ARPC1B: variants seen among roughly 807,000 people sequenced by gnomAD.
ARPC1B encodes the protein actin-related protein 2/3 complex subunit 1B.
ARPC1B carries 29 observed loss-of-function variants against 46.0 expected under a neutral mutation model. That is an observed-to-expected ratio of 0.63 (90% CI 0.47 to 0.86). The LOEUF (loss-of-function observed/expected upper bound fraction) is 0.86, where lower values mean the gene tolerates loss of function less well. Ranked by LOEUF, ARPC1B falls within the 40% of genes least tolerant of loss-of-function variation. The pLI, the probability that ARPC1B is intolerant of heterozygous loss-of-function variation, is 0.00. For synonymous variants in ARPC1B, 201 were observed against 213.9 expected (o/e 0.94, Z 0.53); for missense variants, 469 against 529.4 (o/e 0.89, Z 1.12).
intron 1 of ARPC1B, among the ~76,000 whole-genome samples, chr7:99,379,140 C>G (rs1794130076): frequency 6.6e-6 from 1 of 152,194 alleles, no homozygotes; most frequent in Non-Finnish European, 1.5e-5. Flanking sequence ...GTCCCACCCA[C>G]TTGTTGAATT....
chr7:99,375,902 AAAT>A (rs1376506478), intron 1 of ARPC1B, among the ~76,000 whole-genome samples: 3 of 152,050 alleles, frequency 2.0e-5, no homozygotes, highest in Non-Finnish European at 4.4e-5. Flanking sequence ...TCTCTACTAA[AAAT>A]ACAAAAATTA....
rs764453275 is a variant in ARPC1B, at chr7:99,386,821, A to T, written c.169+32A>T. 7 of 1,548,880 alleles carry T rather than the reference A, an allele frequency of 4.5e-6. No individual in the cohort carries two copies. In the South Asian group the frequency reaches 7.8e-5, roughly 17 times the overall value. On this transcript the variant is annotated intron_variant, in intron 3 of 9. Transcript: ENST00000646101. ...CAGGGTGGCTGGGACCACCGTCCTG[A>T]AAGGAGGTGGTGGGTTGGGGGGGTG...
intron 1 of ARPC1B, 120 bp from the exon 2 acceptor site, chr7:99,385,582 C>T (rs1207881091): frequency 1.2e-6 from 1 of 848,814 alleles, no homozygotes; most frequent in Non-Finnish European, 1.9e-6. Context: ...ACTGCTGCCC[C>T]TCTAAACTGA....
intron 1 of ARPC1B, among the ~76,000 whole-genome samples, chr7:99,378,999 G>A (rs1264053647): frequency 1.3e-5 from 2 of 151,798 alleles, no homozygotes; most frequent in African/African-American, 4.8e-5. Flanking sequence ...GGATGGTCTC[G>A]ATCTCCTGAC....
intron 5 of ARPC1B, 162 bp from the exon 6 acceptor site, chr7:99,390,731 T>C: frequency 1.7e-6 from 1 of 584,996 alleles, no homozygotes; most frequent in Non-Finnish European, 2.9e-6. Flanking sequence ...ACAGTCTCAC[T>C]CTGTTGCCCA....
At chr7:99,386,144 G>A (rs139541450) in intron 2 of ARPC1B, among the ~76,000 whole-genome samples, 13 of 151,540 alleles carry the variant, frequency 8.6e-5, no homozygotes, top group East Asian at 1.9e-4. Context: ...CCAGCTACTC[G>A]GGGGGCTGAG....
Position 99,394,812 on chromosome 7 carries a change from A to G in ARPC1B, c.*323A>G. The G allele has an allele frequency of 1.6e-6, 2 of 1,229,824 alleles. No individual in the cohort carries two copies. Among genetic ancestry groups the G allele is most frequent in the Non-Finnish European group, 2.0e-6 (2 of 988,604 alleles). 76.2% of individuals were successfully genotyped at this position (1,229,824 alleles called of 1,614,324 possible). A position where few individuals can be genotyped will look rare whatever the true frequency, so the allele number is the denominator to read the frequency against. On this transcript the variant is annotated 3_prime_UTR_variant, in exon 10 of 10. Coordinates refer to ENST00000646101, the MANE Select transcript of ARPC1B (RefSeq NM_005720.4). ...AAAAAAAAAAAAAAAGTAATTATGGACATGCTTGCCTATGTGGAAGGAGAG... is the reference window on the plus strand; with the variant it reads ...AAAAAAAAAAAAAAAGTAATTATGGGCATGCTTGCCTATGTGGAAGGAGAG...
Position 99,389,805 on chromosome 7 carries a change from G to T in ARPC1B, c.393-100G>T, listed in dbSNP as rs892958585. ...TCGCCTCTCTCCTGGGTCTTTGGTGGGCTGCAGGGAGCAGTGGGAGCCTGG... is the reference window on the plus strand; with the variant it reads ...TCGCCTCTCTCCTGGGTCTTTGGTGTGCTGCAGGGAGCAGTGGGAGCCTGG... On this transcript the variant is annotated intron_variant, in intron 4 of 9. Coordinates refer to ENST00000646101, the MANE Select transcript of ARPC1B (RefSeq NM_005720.4). 5.0e-5 allele frequency: 50 copies of T among 1,006,018 alleles called. No individual in the cohort carries two copies. The East Asian group carries it at 1.2e-3, about 24-fold the overall frequency. The allele number at this position is 1,006,018 out of a possible 1,614,324, so 62.3% of individuals were successfully genotyped here.
At chr7:99,390,294 C>T (rs1794529245) in intron 5 of ARPC1B, among the ~76,000 whole-genome samples, 1 of 152,172 alleles carries the variant, frequency 6.6e-6, no homozygotes, top group South Asian at 2.1e-4. Context: ...TCACTGCAGC[C>T]TCCAAATCCT....
chr7:99,394,048 G>T lies in ARPC1B; in HGVS notation c.1009G>T (p.Gly337Cys), dbSNP rs760115816. 1 of 1,613,282 alleles carries T rather than the reference G, an allele frequency of 6.2e-7. No individual in the cohort carries two copies. The highest frequency in any genetic ancestry group is 1.7e-5 in the Admixed American group (1 of 60,032). ...NSVSQISVLSGGKAKCSQFCT... is the reference protein window; with the variant it reads ...NSVSQISVLSCGKAKCSQFCT... ...TTGCAGCCAGATCTCGGTGCTCAGC[G>T]GCGGCAAGGCCAAGTGCTCGCAGTT... The change falls in exon 9 of 10, where the codon GGC (glycine) becomes TGC (cysteine). Residue 337 changes from glycine (G) to cysteine (C), a missense_variant. Transcript: ENST00000646101.
chr7:99,392,083 TGTTGTGAGGTGCTCTGATGGAAGC>T (rs1391585623), intron 7 of ARPC1B: 1 of 151,796 alleles, frequency 6.6e-6, no homozygotes, highest in Non-Finnish European at 1.5e-5. Flanking sequence ...CCAGTGTGGG[TGTTGTGAGGTGCTCTGATGGAAGC>T]TGTCCCCAGC....
intron 7 of ARPC1B, 26 bp downstream of exon 7, chr7:99,391,279 G>A (rs1794563172): frequency 3.1e-6 from 5 of 1,609,370 alleles, no homozygotes; most frequent in South Asian, 1.1e-5. Context: ...GGGAGGGAGG[G>A]TGTGTGGTCA....
intron 4 of ARPC1B, 55 bp from the exon 5 acceptor site, chr7:99,389,850 C>A: frequency 6.8e-7 from 1 of 1,462,540 alleles, no homozygotes; most frequent in Non-Finnish European, 9.6e-7. Flanking sequence ...TGCTGAGGTC[C>A]ATGAGTCCCA....
At position 99,390,025 on chromosome 7, in the gene ARPC1B, G is replaced by T; in HGVS notation, c.500+13G>T. 6.2e-7 allele frequency: 1 copy of T among 1,610,716 alleles called. No individual in the cohort carries two copies. Among genetic ancestry groups the T allele is most frequent in the Non-Finnish European group, 8.5e-7 (1 of 1,177,466 alleles). On this transcript the variant is annotated intron_variant, in intron 5 of 9. Transcript: ENST00000646101. ...ACTTCAAGTGTCGGTGAGACAGGGC[G>T]CCATGGGGGAGGGCGGGGCTGACGT... is the stretch of plus-strand genomic sequence containing the variant.
At chr7:99,374,665 G>A (rs1367056990), upstream of ARPC1B, 3 of 151,626 alleles carry the variant, frequency 2.0e-5, no homozygotes, top group African/African-American at 4.8e-5. The surrounding 1 kb of genome is among the most constrained non-coding windows in gnomAD (Gnocchi z 5.0). Flanking sequence ...GGCCCTACCG[G>A]GCTGAGGTCG....
At chr7:99,382,842 C>CT (rs756346040) in intron 1 of ARPC1B, among the ~76,000 whole-genome samples, 7,026 of 119,214 alleles carry the variant, frequency 0.059, 919 homozygotes, top group African/African-American at 0.2. Flanking sequence ...CATTCCTAAC[C>CT]TTTTTTTTTT....
At chr7:99,390,522 G>A (rs562357431) in intron 5 of ARPC1B, among the ~76,000 whole-genome samples, 6 of 152,016 alleles carry the variant, frequency 3.9e-5, no homozygotes, top group Admixed American at 6.6e-5. Context: ...AACTACAGGC[G>A]CATGCCACCA....
chr7:99,381,837 A>T (rs1428571198), intron 1 of ARPC1B, among the ~76,000 whole-genome samples: 2 of 152,190 alleles, frequency 1.3e-5, no homozygotes, highest in African/African-American at 4.8e-5. Flanking sequence ...CTGGGCCCAG[A>T]TGCAGTGCAG....
chr7:99,387,366 G>A (rs1208086589), intron 3 of ARPC1B, among the ~76,000 whole-genome samples: 1 of 152,080 alleles, frequency 6.6e-6, no homozygotes, highest in African/African-American at 2.4e-5. Context: ...CCCAGGAGGC[G>A]GAGGTTGAAG....
Sources: gnomAD v4.1 joint callset for allele counts (sites outside exome capture counted in the v4.1 genomes callset) on GRCh38, gnomAD v4.1.1 for gene constraint, Gnocchi (gnomAD v3.1) non-coding constraint, MANE v1.5 for transcripts, NCBI Gene and HGNC (gene_info 2026-07-23, HGNC 2026-07-21) for gene names.